Variants in DLG2 observed in about 807,000 individuals in gnomAD.
DLG2 encodes the protein discs large MAGUK scaffold protein 2.
Under a neutral mutation model 132.5 loss-of-function variants are expected in DLG2, and 45 were observed. The observed-to-expected ratio is 0.34, with a 90% CI of 0.27 to 0.44. The LOEUF (loss-of-function observed/expected upper bound fraction) is 0.44. Ranked by LOEUF, DLG2 falls within the 20% of genes least tolerant of loss-of-function variation. The probability of loss-of-function intolerance (pLI) is 1.00; values close to 1 mark genes in which losing one functional copy is unlikely to be tolerated. For synonymous variants in DLG2, 424 were observed against 419.6 expected (o/e 1.01, Z -0.13); for missense variants, 1,045 against 1,196.9 (o/e 0.87, Z 1.87).
At chr11:85,253,541 C>A (rs2076507636) in intron 4 of DLG2, among the ~76,000 whole-genome samples, 1 of 152,080 alleles carries the variant, frequency 6.6e-6, no homozygotes, top group Admixed American at 6.5e-5. Context: ...AACTACATAC[C>A]AGCCCAGCAG....
chr11:84,115,289 C>G (rs1372225487), intron 9 of DLG2, among the ~76,000 whole-genome samples: 1 of 151,782 alleles, frequency 6.6e-6, no homozygotes, highest in African/African-American at 2.4e-5. Context: ...AGAGTGCTGC[C>G]CATAAAACCT....
At chr11:84,181,269 G>A (rs1449899553) in intron 8 of DLG2, among the ~76,000 whole-genome samples, 1 of 151,886 alleles carries the variant, frequency 6.6e-6, no homozygotes, top group African/African-American at 2.4e-5. Context: ...GTGGTGGAGT[G>A]TTATTTGAAA....
chr11:84,560,559 C>A (rs2099425031), intron 6 of DLG2, among the ~76,000 whole-genome samples: 1 of 151,970 alleles, frequency 6.6e-6, no homozygotes, highest in South Asian at 2.1e-4. Flanking sequence ...TAAGACATGG[C>A]AGATTTGTTG....
At chr11:84,999,420 TTATA>T (rs2058003329) in intron 6 of DLG2, among the ~76,000 whole-genome samples, 1 of 152,190 alleles carries the variant, frequency 6.6e-6, no homozygotes, top group Non-Finnish European at 1.5e-5. Context: ...ATATCTGGCC[TTATA>T]TAAATTTTAG....
At chr11:85,170,171 G>C (rs188305260) in intron 4 of DLG2, among the ~76,000 whole-genome samples, 9 of 152,328 alleles carry the variant, frequency 5.9e-5, no homozygotes, top group Admixed American at 5.9e-4. Context: ...AAGCAGTGCA[G>C]AGTTGTGAAG....
chr11:84,846,592 G>C (rs2081508894), intron 6 of DLG2, among the ~76,000 whole-genome samples: 1 of 152,090 alleles, frequency 6.6e-6, no homozygotes, highest in African/African-American at 2.4e-5. Flanking sequence ...TCACAGTAAT[G>C]TTTAGGAAAC....
chr11:83,609,276 G>A (rs2153403469), intron 19 of DLG2, among the ~76,000 whole-genome samples: 1 of 152,274 alleles, frequency 6.6e-6, no homozygotes, highest in Middle Eastern at 3.4e-3. Context: ...CCAACATACA[G>A]GCTTCAGAGA....
At chr11:85,486,796 C>T (rs1033414405) in intron 3 of DLG2, among the ~76,000 whole-genome samples, 4 of 151,978 alleles carry the variant, frequency 2.6e-5, no homozygotes, top group East Asian at 3.9e-4. Context: ...CCTGGCCCCC[C>T]CTGCTACTAC....
At chr11:83,905,267 A>C (rs946558874) in intron 15 of DLG2, among the ~76,000 whole-genome samples, 6 of 152,150 alleles carry the variant, frequency 3.9e-5, no homozygotes, top group African/African-American at 1.4e-4. Context: ...GTTTGGAAGA[A>C]ATAAGGGTCA....
chr11:84,842,573 A>G (rs1349956266), intron 6 of DLG2, among the ~76,000 whole-genome samples: 1 of 151,954 alleles, frequency 6.6e-6, no homozygotes, highest in Non-Finnish European at 1.5e-5. Context: ...ATAGGGCCAT[A>G]CACAAATGCC....
chr11:83,515,821 T>C (rs1264140988), intron 21 of DLG2, among the ~76,000 whole-genome samples: 1 of 152,244 alleles, frequency 6.6e-6, no homozygotes, highest in Non-Finnish European at 1.5e-5. Context: ...AGTTTCCATG[T>C]AGTTGAGCGA....
In DLG2 at chr11:85,565,290, GA is replaced by G. The variant is rs545727788; in HGVS notation, c.40+33366del. 3.9e-4 allele frequency among the ~76,000 whole-genome samples: 59 copies of G among 152,160 alleles called. 1 individual carries two copies. In the South Asian group the frequency reaches 0.012, roughly 31 times the overall value. On this transcript the variant is annotated intron_variant, in intron 3 of 27. Coordinates refer to ENST00000376104, the MANE Select transcript of DLG2 (RefSeq NM_001142699.3). ...GAAAGTGGTTATCCTTGTGTTAGGG[GA>G]AAAGCATTCAATATTTGATGATTAA...
chr11:85,530,577 T>A (rs1263336422), intron 3 of DLG2, among the ~76,000 whole-genome samples: 1 of 152,150 alleles, frequency 6.6e-6, no homozygotes, highest in Non-Finnish European at 1.5e-5. Flanking sequence ...CACCTCGGCC[T>A]CCCAAAGTCC....
chr11:85,227,806 C>T (rs1046885205), intron 4 of DLG2, among the ~76,000 whole-genome samples: 3 of 152,026 alleles, frequency 2.0e-5, no homozygotes, highest in African/African-American at 4.8e-5. Context: ...TCTGCTACTA[C>T]TCTGTCTATC....
chr11:84,780,663 T>C (rs2071587951), intron 6 of DLG2, among the ~76,000 whole-genome samples: 1 of 152,126 alleles, frequency 6.6e-6, no homozygotes, highest in African/African-American at 2.4e-5. Flanking sequence ...ATCATTCTAA[T>C]AGGTATGTGG....
chr11:83,495,340 T>C (rs2094095929), intron 21 of DLG2, among the ~76,000 whole-genome samples: 1 of 152,152 alleles, frequency 6.6e-6, no homozygotes, highest in Non-Finnish European at 1.5e-5. Context: ...GTGCTTGCCA[T>C]GCTTTTGTTT....
Position 84,248,256 on chromosome 11 carries a change from C to G in DLG2, c.573+2982G>C, listed in dbSNP as rs529907981. ...TAATGTATTCATGTTTTTTCTACAT[C>G]GGGGAAGGTATTCATATTTACCATT... On this transcript the variant is annotated intron_variant, in intron 8 of 27. Coordinates refer to ENST00000376104, the MANE Select transcript of DLG2 (RefSeq NM_001142699.3). Among the ~76,000 whole-genome samples the G allele has an allele frequency of 7.9e-5, 12 of 152,020 alleles. 1 individual carries two copies. The South Asian group carries it at 1.5e-3, about 18-fold the overall frequency.
At chr11:85,270,269 G>GT (rs1401891068) in intron 4 of DLG2, among the ~76,000 whole-genome samples, 27 of 152,140 alleles carry the variant, frequency 1.8e-4, no homozygotes, top group African/African-American at 6.5e-4. Context: ...AGATCTGATG[G>GT]TTTTATGAAG....
chr11:84,601,519 G>A (rs1240976541), intron 6 of DLG2, among the ~76,000 whole-genome samples: 1 of 151,898 alleles, frequency 6.6e-6, no homozygotes, highest in Non-Finnish European at 1.5e-5. Flanking sequence ...GTTGAAGAGA[G>A]CATGACTTAT....
Sources: allele counts gnomAD v4.1 joint callset (sites outside exome capture counted in the v4.1 genomes callset), GRCh38; gene constraint gnomAD v4.1.1; transcripts MANE v1.5; gene names NCBI Gene and HGNC (gene_info 2026-07-23, HGNC 2026-07-21).